WDFY3: variants seen among roughly 807,000 people sequenced by gnomAD.
The protein encoded by WDFY3 is WD repeat and FYVE domain-containing protein 3.
Under a neutral mutation model 409.6 loss-of-function variants are expected in WDFY3, and 66 were observed. That is an observed-to-expected ratio of 0.16 (90% CI 0.13 to 0.20). WDFY3 has a LOEUF of 0.20. Among genes scored for constraint, WDFY3 ranks in the 10% least tolerant of loss-of-function variants. The pLI is 1.00. For synonymous variants in WDFY3, 1,521 were observed against 1,537.1 expected (o/e 0.99, Z 0.25); for missense variants, 3,031 against 4,298.1 (o/e 0.71, Z 8.24).
At chr4:84,757,432 T>A (rs1430042035) in intron 32 of WDFY3, among the ~76,000 whole-genome samples, 1 of 152,190 alleles carries the variant, frequency 6.6e-6, no homozygotes, top group Non-Finnish European at 1.5e-5. Context: ...AAATCCTTCT[T>A]AAGGTGCTGT....
At position 84,740,089 on chromosome 4, in the gene WDFY3, A is replaced by G. The variant is rs1407141763; in HGVS notation, c.6464+98T>C. ...ATAAAGGTTTAAATAAAACAGAGTA[A>G]GGGTAAAAGAAATGTTACTATCAAA... is the stretch of plus-strand genomic sequence containing the variant. On this transcript the variant is annotated intron_variant, in intron 39 of 67. Coordinates refer to ENST00000295888, the MANE Select transcript of WDFY3 (RefSeq NM_014991.6). The G allele has an allele frequency of 5.1e-6, 6 of 1,181,994 alleles. No individual in the cohort carries two copies. In the African/African-American group the frequency reaches 9.2e-5, roughly 18 times the overall value. 73.2% of individuals were successfully genotyped at this position (1,181,994 alleles called of 1,614,324 possible). A position where few individuals can be genotyped will look rare whatever the true frequency, so the allele number is the denominator to read the frequency against.
chr4:84,699,609 T>C (rs1730750586), intron 56 of WDFY3, among the ~76,000 whole-genome samples: 1 of 152,186 alleles, frequency 6.6e-6, no homozygotes, highest in Non-Finnish European at 1.5e-5. Flanking sequence ...TCTGTTTAAC[T>C]TTTTGAGGAA....
intron 1 of WDFY3, among the ~76,000 whole-genome samples, chr4:84,962,589 T>C (rs1579309381): frequency 1.3e-5 from 2 of 152,120 alleles, no homozygotes; most frequent in South Asian, 4.1e-4. Context: ...TATCCAATTA[T>C]AGACATTTGT....
chr4:84,951,978 C>G (rs1014891363), intron 1 of WDFY3, among the ~76,000 whole-genome samples: 1 of 152,166 alleles, frequency 6.6e-6, no homozygotes, highest in Admixed American at 6.5e-5. Context: ...AGAAAATCCA[C>G]AGAGAAAGAA....
chr4:84,841,293 G>T, intron 5 of WDFY3, 30 bp from the exon 6 acceptor site: 1 of 1,582,528 alleles, frequency 6.3e-7, no homozygotes, highest in South Asian at 1.2e-5. Flanking sequence ...GCCATTAAGT[G>T]GGGGAAAAGT....
At chr4:84,686,035 T>G (rs185090019) in intron 62 of WDFY3, among the ~76,000 whole-genome samples, 14 of 152,280 alleles carry the variant, frequency 9.2e-5, no homozygotes, top group Admixed American at 2.0e-4. Flanking sequence ...TGAAAACCTC[T>G]TAAACCTTTC....
rs369614346 is a variant in WDFY3 at position 84,821,441 on chromosome 4, T to A, written c.1234A>T (p.Met412Leu). 6.2e-7 allele frequency: 1 copy of A among 1,613,800 alleles called. No homozygotes were observed. Among genetic ancestry groups the A allele is most frequent in the Non-Finnish European group, 8.5e-7 (1 of 1,179,878 alleles). ...ATGAAGTAATTGGCATTGTCAGCCA[T>A]GTAAATATTTGTGATAGCATCAAGG... ...IILDAITNIY[M>L]ADNANYFILE... Residue 412 changes from methionine (M) to leucine (L), a missense_variant, in exon 11 of 68, where the codon ATG (methionine) becomes TTG (leucine). Around this residue, in one of 16 missense-constraint regions of WDFY3, gnomAD observed 1,322 missense variants for 1,697.9 expected, o/e 0.78. Transcript: ENST00000295888.
chr4:84,735,223 C>A, intron 42 of WDFY3, 103 bp from the exon 43 acceptor site: 1 of 1,042,802 alleles, frequency 9.6e-7, no homozygotes, highest in Non-Finnish European at 1.4e-6. Flanking sequence ...AAAATTCTGC[C>A]AAAAGCACCA....
chr4:84,840,786 G>A (rs1463270947), intron 6 of WDFY3, among the ~76,000 whole-genome samples: 1 of 147,750 alleles, frequency 6.8e-6, no homozygotes, highest in Non-Finnish European at 1.5e-5. Context: ...TCTCTATGTT[G>A]CCCAGACTGG....
At chr4:84,810,473 C>T (rs1316610062) in intron 13 of WDFY3, 129 bp from the exon 14 acceptor site, 9 of 813,360 alleles carry the variant, frequency 1.1e-5, no homozygotes, top group Admixed American at 3.4e-5. Flanking sequence ...ACCCAATAAA[C>T]GGTCCTATAA....
In WDFY3 at chr4:84,944,611, G is replaced by A. The variant is rs549392847; in HGVS notation, c.-225-12248C>T. Among the ~76,000 whole-genome samples, 9 of 150,768 alleles carry A rather than the reference G, an allele frequency of 6.0e-5. No individual in the cohort carries two copies. The South Asian group carries it at 1.9e-3, about 32-fold the overall frequency. ...GGCTGTGGCGGATGGATCATCTGAGGTCAAGAGTTCAAGGCCAGCCTGGTC... is the reference window on the plus strand; with the variant it reads ...GGCTGTGGCGGATGGATCATCTGAGATCAAGAGTTCAAGGCCAGCCTGGTC... On this transcript the variant is annotated intron_variant, in intron 1 of 67. Coordinates refer to ENST00000295888, the MANE Select transcript of WDFY3 (RefSeq NM_014991.6).
Position 84,724,597 on chromosome 4 carries a change from A to G in WDFY3, c.7273-3T>C. 1 of 1,602,258 alleles carries G rather than the reference A, an allele frequency of 6.2e-7. No individual in the cohort carries two copies. Among genetic ancestry groups the G allele is most frequent in the Non-Finnish European group, 8.5e-7 (1 of 1,175,866 alleles). On this transcript the variant is annotated splice_polypyrimidine_tract_variant and splice_region_variant and intron_variant, in intron 45 of 67. Coordinates refer to ENST00000295888, the MANE Select transcript of WDFY3 (RefSeq NM_014991.6). ...GCTCTTCTATATCGAGCAGGTTTCT[A>G]AGAAATGACAAAAGAAAATGACTCC...
intron 32 of WDFY3, 138 bp downstream of exon 32, chr4:84,765,672 G>A (rs1468930571): frequency 3.0e-6 from 2 of 671,608 alleles, no homozygotes. Flanking sequence ...AATCTTGTAA[G>A]CTCTTCCTTC....
chr4:84,753,882 A>G lies in WDFY3; in HGVS notation c.5560-6T>C, dbSNP rs1740958429. 6.3e-7 allele frequency: 1 copy of G among 1,577,714 alleles called. No homozygotes were observed. Among genetic ancestry groups the G allele is most frequent in the South Asian group, 1.2e-5 (1 of 84,996 alleles). On this transcript the variant is annotated splice_polypyrimidine_tract_variant and splice_region_variant and intron_variant, in intron 34 of 67. Transcript: ENST00000295888. ...TCTTCTTCTGATTGCCAAGGCTGTT[A>G]TGGGGACATGAGAGGAAACACTATG...
intron 15 of WDFY3, among the ~76,000 whole-genome samples, 190 bp downstream of exon 15, chr4:84,808,144 T>C (rs1191704586): frequency 6.6e-6 from 1 of 151,838 alleles, no homozygotes; most frequent in African/African-American, 2.4e-5. Flanking sequence ...TCAACACATT[T>C]TACTCTCATG....
rs1327111489 is a variant in WDFY3 at position 84,778,549 on chromosome 4, A to C, written c.4472T>G (p.Ile1491Ser). ...GTVDSGHETS[I>S]IPNSTAFQDL... ...CTGGAAAGCAGTTGAATTTGGAATA[A>C]TGGAGGTCTCATGTCCACTATCAAC... The change falls in exon 27 of 68, where the codon ATT becomes AGT. Residue 1491 changes from isoleucine (I) to serine (S), a missense_variant. This residue lies in a region of WDFY3 where 55 missense variants were observed against 124.1 expected (regional missense o/e 0.44). Transcript: ENST00000295888. 1 of 1,610,020 alleles carries C rather than the reference A, an allele frequency of 6.2e-7. No individual in the cohort carries two copies. The highest frequency in any genetic ancestry group is 2.2e-5 in the East Asian group (1 of 44,710).
Position 84,708,983 on chromosome 4 carries a change from A to G in WDFY3, c.8143T>C (p.Leu2715=), listed in dbSNP as rs370697631. 1.2e-6 allele frequency: 2 copies of G among 1,613,996 alleles called. No homozygotes were observed. The highest frequency in any genetic ancestry group is 1.3e-5 in the African/African-American group (1 of 74,942). ...AGATCATTATATGATCTGCCAGCCA[A>G]AGTGTTCAAATGCATCAAATATTGG... ...NFQYLMHLNT[L]AGRSYNDLMQ... Residue 2715 remains leucine, a synonymous_variant, in exon 53 of 68, where the codon TTG becomes CTG. Coordinates refer to ENST00000295888, the MANE Select transcript of WDFY3 (RefSeq NM_014991.6).
chr4:84,839,118 T>C (rs1260135351), intron 6 of WDFY3, among the ~76,000 whole-genome samples: 2 of 152,230 alleles, frequency 1.3e-5, no homozygotes, highest in African/African-American at 2.4e-5. Context: ...TTATTGTAGA[T>C]AGATTTAAAG....
At chr4:84,942,178 T>G (rs1490662076) in intron 1 of WDFY3, among the ~76,000 whole-genome samples, 1 of 151,846 alleles carries the variant, frequency 6.6e-6, no homozygotes, top group African/African-American at 2.4e-5. Flanking sequence ...GTAAAAACTA[T>G]AAAAGAAAAA....
Sources: gnomAD v4.1 joint callset for allele counts (sites outside exome capture counted in the v4.1 genomes callset) on GRCh38, gnomAD v4.1.1 for gene constraint, gnomAD v4.1.1 regional missense constraint, MANE v1.5 for transcripts, NCBI Gene and HGNC (gene_info 2026-07-23, HGNC 2026-07-21) for gene names.